CASZ1: variants seen among roughly 807,000 people sequenced by gnomAD.
CASZ1 encodes castor zinc finger 1.
In CASZ1, 28 loss-of-function variants were observed where a neutral mutation model predicts 135.2. The ratio of observed to expected loss-of-function variants is 0.21; its 90% CI spans 0.15 to 0.28. CASZ1 has a LOEUF of 0.28. Among genes scored for constraint, CASZ1 ranks in the 10% least tolerant of loss-of-function variants. The pLI is 1.00. For missense variants in CASZ1, 2,161 were observed against 2,453.3 expected (o/e 0.88, Z 2.52); for synonymous variants, 1,068 against 1,073.4 (o/e 0.99, Z 0.10).
In CASZ1 at chr1:10,697,942, A is replaced by C. The variant is rs1557516221; in HGVS notation, c.-23-4030T>G. 6.6e-6 allele frequency among the ~76,000 whole-genome samples: 1 copy of C among 152,222 alleles called. No homozygotes were observed. The highest frequency in any genetic ancestry group is 1.5e-5 in the Non-Finnish European group (1 of 68,048). On this transcript the variant is annotated intron_variant, in intron 3 of 20. Transcript: ENST00000377022. This position sits in a 1 kb window ranked among gnomAD's most constrained non-coding sequence, Gnocchi z 4.7. ...GAGGGTGTCGGGAAAGCTGTGAGCC[A>C]GCGAAGTGGACGGGAAGCATGGGGG... is the stretch of plus-strand genomic sequence containing the variant.
Position 10,643,270 on chromosome 1 carries a change from G to A in CASZ1, c.3910C>T (p.Arg1304Trp), listed in dbSNP as rs775413063. Residue 1304 changes from arginine (R) to tryptophan (W), a missense_variant, in exon 19 of 21, where the codon CGG becomes TGG. Transcript: ENST00000377022. ...AGGAAGGAGAACTGGCAGCCCTCCCGGATGCAGTGGAAGTGGCTGTTCACC... is the reference window on the plus strand; with the variant it reads ...AGGAAGGAGAACTGGCAGCCCTCCCAGATGCAGTGGAAGTGGCTGTTCACC... ...NQVNSHFHCI[R>W]EGCQFSFLLK... 1.7e-5 allele frequency: 28 copies of A among 1,613,128 alleles called. No homozygotes were observed. Among genetic ancestry groups the A allele is most frequent in the East Asian group, 2.2e-5 (1 of 44,886 alleles).
In CASZ1 at chr1:10,676,936, C is replaced by T. The variant is rs2387231; in HGVS notation, c.17-11365G>A. Among the ~76,000 whole-genome samples the T allele has an allele frequency of 0.02, 3,104 of 152,338 alleles. 81 individuals are homozygous for T. Among genetic ancestry groups the T allele is most frequent in the East Asian group, 0.093 (484 of 5,186 alleles). Reference sequence around the variant, plus strand: ...ACTGCCTGGCTCTGCCACTGCCTCTCGCTGAGGCCCCTGTGGGCACAGCCA... The same window carrying T: ...ACTGCCTGGCTCTGCCACTGCCTCTTGCTGAGGCCCCTGTGGGCACAGCCA... On this transcript the variant is annotated intron_variant, in intron 4 of 20. Coordinates refer to ENST00000377022, the MANE Select transcript of CASZ1 (RefSeq NM_001079843.3). This position sits in a 1 kb window ranked among gnomAD's most constrained non-coding sequence, Gnocchi z 4.5.
At chr1:10,722,184 G>A (rs1639509345) in intron 2 of CASZ1, among the ~76,000 whole-genome samples, 2 of 152,314 alleles carry the variant, frequency 1.3e-5, no homozygotes, top group South Asian at 4.1e-4. Flanking sequence ...GGCCATGAGG[G>A]CTCCTCAGAG....
At chr1:10,658,601 G>A (rs1341228934) in intron 6 of CASZ1, 25 bp from the exon 7 acceptor site, 1 of 1,609,712 alleles carries the variant, frequency 6.2e-7, no homozygotes, top group Non-Finnish European at 8.5e-7. Flanking sequence ...ACAGGGCACA[G>A]CCGGTGAGCA....
At position 10,648,792 on chromosome 1, in the gene CASZ1, G is replaced by A. The variant is rs201280547; in HGVS notation, c.3158+278C>T. ...CTCTGGCCTGCTCTGCAGGGAGCAC[G>A]TGCTGGGACTGATGGCTGCCCTGGG... On this transcript the variant is annotated intron_variant, in intron 15 of 20. Transcript: ENST00000377022. The A allele has an allele frequency of 6.4e-4, 299 of 469,826 alleles. 1 individual carries two copies. Among genetic ancestry groups the A allele is most frequent in the African/African-American group, 4.4e-3 (224 of 51,312 alleles). The allele number at this position is 469,826 out of a possible 1,614,324, so 29.1% of individuals were successfully genotyped here.
chr1:10,751,009 C>T (rs1570558446), intron 2 of CASZ1, among the ~76,000 whole-genome samples: 1 of 151,670 alleles, frequency 6.6e-6, no homozygotes, highest in Middle Eastern at 3.5e-3. Context: ...GAGTGATCGC[C>T]AAGACACCAG....
rs1212738192 is a variant in CASZ1 at position 10,646,819 on chromosome 1, G to A, written c.3498-493C>T. Among the ~76,000 whole-genome samples, 2 of 152,192 alleles carry A rather than the reference G, an allele frequency of 1.3e-5. No individual in the cohort carries two copies. The highest frequency in any genetic ancestry group is 2.9e-5 in the Non-Finnish European group (2 of 68,032). ...TAGCAAGCAGGAGCGCGTGCCTGGT[G>A]TCAGCTCCTGGGGGCTCACAGCTGC... On this transcript the variant is annotated intron_variant, in intron 16 of 20. Transcript: ENST00000377022. The surrounding 1 kb of genome is among the most constrained non-coding windows in gnomAD (Gnocchi z 6.4).
At position 10,697,754 on chromosome 1, in the gene CASZ1, G is replaced by A. The variant is rs943941298; in HGVS notation, c.-23-3842C>T. The stretch of plus-strand genomic sequence containing the variant: ...CTTGAACAAAGCTCCTTTTGTTATT[G>A]CACCCCACCCCAGGATCCCAATAAA... On this transcript the variant is annotated intron_variant, in intron 3 of 20. Coordinates refer to ENST00000377022, the MANE Select transcript of CASZ1 (RefSeq NM_001079843.3). The surrounding 1 kb of genome is among the most constrained non-coding windows in gnomAD (Gnocchi z 4.7). 6.6e-6 allele frequency among the ~76,000 whole-genome samples: 1 copy of A among 152,180 alleles called. No individual in the cohort carries two copies. Among genetic ancestry groups the A allele is most frequent in the Non-Finnish European group, 1.5e-5 (1 of 68,034 alleles).
At chr1:10,748,964 T>C (rs577158260) in intron 2 of CASZ1, among the ~76,000 whole-genome samples, 4 of 152,190 alleles carry the variant, frequency 2.6e-5, no homozygotes, top group African/African-American at 9.6e-5. Context: ...CTCGCTTCTG[T>C]CTTTGGGGGT....
rs751621626 is a variant in CASZ1, at chr1:10,701,738, C to T, written c.-24+3754G>A. Among the ~76,000 whole-genome samples, 3 of 152,194 alleles carry T rather than the reference C, an allele frequency of 2.0e-5. No individual in the cohort carries two copies. The highest frequency in any genetic ancestry group is 2.9e-5 in the Non-Finnish European group (2 of 68,034). ...TGGTTTGAGGGCTGGCAGCCTTGGC[C>T]GGGACGGACTGGGGCCAGGGCTCAG... On this transcript the variant is annotated intron_variant, in intron 3 of 20. Transcript: ENST00000377022. The surrounding 1 kb of genome is among the most constrained non-coding windows in gnomAD (Gnocchi z 6.3).
intron 2 of CASZ1, among the ~76,000 whole-genome samples, chr1:10,740,680 C>T (rs6700479): frequency 0.19 from 29,407 of 152,018 alleles, 3,043 homozygotes; most frequent in African/African-American, 0.26. Flanking sequence ...AGGGCACAAT[C>T]GCTCATGCCT....
chr1:10,662,440 A>G (rs551753223), intron 5 of CASZ1, among the ~76,000 whole-genome samples: 18 of 151,980 alleles, frequency 1.2e-4, no homozygotes, highest in African/African-American at 3.6e-4. Context: ...GCCTTATTAC[A>G]CACTCTCACC....
At chr1:10,643,135 G>A (rs1642261042) in intron 19 of CASZ1, 25 bp downstream of exon 19, 2 of 1,604,174 alleles carry the variant, frequency 1.2e-6, no homozygotes, top group Non-Finnish European at 1.7e-6. Flanking sequence ...CCCTGGCTGG[G>A]CTCTCACCTG....
At chr1:10,671,414 C>T (rs927563233) in intron 4 of CASZ1, among the ~76,000 whole-genome samples, 9 of 152,162 alleles carry the variant, frequency 5.9e-5, no homozygotes, top group South Asian at 2.1e-4. Context: ...TGCGTGTGGT[C>T]GTGGTAACAG....
At position 10,653,501 on chromosome 1, in the gene CASZ1, G is replaced by C. The variant is rs780338349; in HGVS notation, c.2556C>G (p.Ala852=). The C allele has an allele frequency of 6.2e-7, 1 of 1,611,028 alleles. No homozygotes were observed. Among genetic ancestry groups the C allele is most frequent in the South Asian group, 1.1e-5 (1 of 90,930 alleles). The change falls in exon 11 of 21, where the codon GCC becomes GCG. Residue 852 remains alanine (A), a synonymous_variant. Transcript: ENST00000377022. ...SGAGDSAPVA[A]ASVPAPPASI... is the part of the protein sequence containing the mutation. ...AGGCGGGTGGTGCCGGGACAGAGGC[G>C]GCAGCCACGGGGGCTGAGTCTCCAG...
chr1:10,648,437 T>C, intron 15 of CASZ1: 1 of 355,888 alleles, frequency 2.8e-6, no homozygotes, highest in East Asian at 4.7e-5. Flanking sequence ...CCAGGAAGCC[T>C]CTTCCTTCCA....
chr1:10,736,662 C>T (rs933219973), intron 2 of CASZ1, among the ~76,000 whole-genome samples: 5 of 152,216 alleles, frequency 3.3e-5, no homozygotes, highest in African/African-American at 9.6e-5. Flanking sequence ...TCATCACCTA[C>T]GAGGCCCCTC....
At chr1:10,732,058 C>G (rs900032952) in intron 2 of CASZ1, among the ~76,000 whole-genome samples, 7 of 151,978 alleles carry the variant, frequency 4.6e-5, no homozygotes, top group Non-Finnish European at 1.0e-4. Flanking sequence ...GGCATGATGA[C>G]TCATGCCTGT....
At chr1:10,686,202 A>G (rs896517997) in intron 4 of CASZ1, among the ~76,000 whole-genome samples, 1 of 152,100 alleles carries the variant, frequency 6.6e-6, no homozygotes, top group Non-Finnish European at 1.5e-5. Flanking sequence ...CTTCCCTCTC[A>G]AGGTCACAGG....
Sources: allele counts gnomAD v4.1 joint callset (sites outside exome capture counted in the v4.1 genomes callset), GRCh38; gene constraint gnomAD v4.1.1; non-coding constraint Gnocchi (gnomAD v3.1); transcripts MANE v1.5; gene names NCBI Gene and HGNC (gene_info 2026-07-23, HGNC 2026-07-21).